The following AHCY variants were observed in gnomAD, a reference collection of about 807,000 sequenced individuals.
The protein encoded by AHCY is S-adenosyl-L-homocysteine hydrolase.
In AHCY, 24 loss-of-function variants were observed where a neutral mutation model predicts 45.4. The observed-to-expected ratio is 0.53, with a 90% CI of 0.38 to 0.74. The LOEUF is 0.74. Among genes scored for constraint, AHCY ranks in the 30% least tolerant of loss-of-function variants. AHCY has a pLI of 0.00. For synonymous variants in AHCY, 245 were observed against 235.1 expected (o/e 1.04, Z -0.39); for missense variants, 449 against 594.1 (o/e 0.76, Z 2.54).
chr20:34,274,717 CAGG>C, the AHCY span, among the ~76,000 whole-genome samples: 1 of 152,054 alleles, frequency 6.6e-6, no homozygotes, highest in African/African-American at 2.4e-5. Flanking sequence ...GAGGCCGAGG[CAGG>C]AGGATTGCTT....
At chr20:34,291,100 A>G (rs113964872) in intron 5 of AHCY, among the ~76,000 whole-genome samples, 162 bp from the exon 6 acceptor site, 7 of 151,874 alleles carry the variant, frequency 4.6e-5, no homozygotes, top group African/African-American at 1.4e-4. Flanking sequence ...CAAGCCCTTC[A>G]CCCCGATCGG....
At chr20:34,257,070 C>CTTTTTTTTTTT in the AHCY span, among the ~76,000 whole-genome samples, 5 of 139,418 alleles carry the variant, frequency 3.6e-5, no homozygotes, top group Admixed American at 7.2e-5. Context: ...CTTTCTTTCT[C>CTTTTTTTTTTT]TTTTTTTTTT....
At chr20:34,232,497 C>G in the AHCY span, among the ~76,000 whole-genome samples, 1 of 152,072 alleles carries the variant, frequency 6.6e-6, no homozygotes, top group African/African-American at 2.4e-5. Context: ...CAATAAATCC[C>G]CAAGCAGCAA....
intron 9 of AHCY, among the ~76,000 whole-genome samples, chr20:34,284,292 T>C (rs769960142): frequency 1.4e-4 from 22 of 152,254 alleles, no homozygotes; most frequent in Non-Finnish European, 2.8e-4. Context: ...CCCAAGTACC[T>C]GGGACTACAG....
At position 34,280,817 on chromosome 20, in the gene AHCY, A is replaced by C. The variant is rs2035974309; in HGVS notation, c.*217T>G. On this transcript the variant is annotated 3_prime_UTR_variant, in exon 10 of 10. Coordinates refer to ENST00000217426, the MANE Select transcript of AHCY (RefSeq NM_000687.4). ...ATGGTTCCCTGTGGCTGGGACCTCC[A>C]TCATGACCGGGGCTTGAAGAGGGTA... The C allele has an allele frequency of 7.5e-5, 49 of 651,444 alleles. 2 individuals are homozygous for C. The South Asian group carries it at 9.2e-4, about 12-fold the overall frequency. The allele number at this position is 651,444 out of a possible 1,614,324, so 40.4% of individuals were successfully genotyped here. A position where few individuals can be genotyped will look rare whatever the true frequency, so the allele number is the denominator to read the frequency against.
chr20:34,246,250 T>TCTCTTCTGTTTTTTCTTCTC, the AHCY span: 4,384 of 1,547,670 alleles, frequency 2.8e-3, 139 homozygotes, highest in African/African-American at 0.054. Flanking sequence ...CTCTTCCACC[T>TCTCTTCTGTTTTTTCTTCTC]CTCTTCTGTT....
At chr20:34,275,906 G>A (rs1328478215), downstream of AHCY, among the ~76,000 whole-genome samples, 1 of 151,406 alleles carries the variant, frequency 6.6e-6, no homozygotes, top group Non-Finnish European at 1.5e-5. Flanking sequence ...GGCCAGGCTG[G>A]TCTCAAACTC....
the AHCY span, among the ~76,000 whole-genome samples, chr20:34,252,655 G>C: frequency 6.6e-6 from 1 of 152,082 alleles, no homozygotes; most frequent in Non-Finnish European, 1.5e-5. Context: ...CTGCAAAGAG[G>C]CCTCCCTCTT....
At chr20:34,291,246 C>T (rs918413990) in intron 5 of AHCY, among the ~76,000 whole-genome samples, 173 bp downstream of exon 5, 16 of 152,220 alleles carry the variant, frequency 1.1e-4, no homozygotes, top group Middle Eastern at 3.2e-3. Flanking sequence ...GCTCCTAACA[C>T]CCAGCTCTGA....
chr20:34,268,897 C>G, the AHCY span: 16 of 1,468,576 alleles, frequency 1.1e-5, no homozygotes, highest in East Asian at 3.5e-4. Context: ...ACCTCTGGTC[C>G]GGGATCTCCC....
At chr20:34,258,696 CT>C in the AHCY span, among the ~76,000 whole-genome samples, 2 of 11,652 alleles carry the variant, frequency 1.7e-4, no homozygotes, top group Non-Finnish European at 4.6e-4. Context: ...TATATACATA[CT>C]ATATATATAT....
chr20:34,264,389 C>T, the AHCY span, among the ~76,000 whole-genome samples: 1 of 152,146 alleles, frequency 6.6e-6, no homozygotes, highest in Non-Finnish European at 1.5e-5. Context: ...AGGAGTCTCA[C>T]CAGGAAATCA....
the AHCY span, among the ~76,000 whole-genome samples, chr20:34,274,467 G>A: frequency 2.0e-5 from 3 of 152,192 alleles, no homozygotes; most frequent in East Asian, 3.9e-4. Context: ...CAAGAGACTC[G>A]GCCCAAGAGG....
the AHCY span, among the ~76,000 whole-genome samples, chr20:34,265,359 C>CA: frequency 6.6e-6 from 1 of 151,958 alleles, no homozygotes; most frequent in Non-Finnish European, 1.5e-5. Context: ...CTCATCTCTA[C>CA]AAAAAATTTA....
chr20:34,249,458 C>T, the AHCY span, among the ~76,000 whole-genome samples: 299 of 152,162 alleles, frequency 2.0e-3, 1 homozygote, highest in African/African-American at 6.9e-3. Context: ...TCCCCTAATC[C>T]GCAAACTTCT....
the AHCY span, among the ~76,000 whole-genome samples, chr20:34,270,670 C>T: frequency 5.1e-4 from 78 of 152,182 alleles, no homozygotes; most frequent in African/African-American, 1.8e-3. Context: ...GTATTGAGCA[C>T]CTAGTGTGTG....
the AHCY span, chr20:34,262,832 C>T: frequency 1.9e-6 from 3 of 1,613,802 alleles, no homozygotes; most frequent in Admixed American, 1.7e-5. Context: ...CTCTTTGAAG[C>T]GCTGAACAAG....
chr20:34,248,881 A>C, the AHCY span, among the ~76,000 whole-genome samples: 1 of 151,628 alleles, frequency 6.6e-6, no homozygotes, highest in East Asian at 1.9e-4. Flanking sequence ...AATAACAGCA[A>C]TTCAACGTTC....
chr20:34,302,006 G>GT (rs5841170), intron 1 of AHCY: 478,312 of 828,842 alleles, frequency 0.58, 76,948 homozygotes, highest in Admixed American at 0.83. Flanking sequence ...TTTTTTGTTT[G>GT]TTTTTTTTTT....
Sources: allele counts gnomAD v4.1 joint callset (sites outside exome capture counted in the v4.1 genomes callset), GRCh38; gene constraint gnomAD v4.1.1; transcripts MANE v1.5; gene names NCBI Gene and HGNC (gene_info 2026-07-23, HGNC 2026-07-21).